DNAAF5: variants seen among roughly 807,000 people sequenced by gnomAD.
DNAAF5 encodes the protein HEAT repeat containing 2.
Under a neutral mutation model 75.8 loss-of-function variants are expected in DNAAF5, and 64 were observed. The observed-to-expected ratio is 0.84, with a 90% confidence interval of 0.69 to 1.04. DNAAF5 has a LOEUF of 1.04. Among genes scored for constraint, DNAAF5 ranks in the 50% least tolerant of loss-of-function variants. The probability of loss-of-function intolerance (pLI) is 0.00; values close to 1 mark genes in which losing one functional copy is unlikely to be tolerated. For missense variants in DNAAF5, 1,269 were observed against 1,178.5 expected (o/e 1.08, Z -1.12); for synonymous variants, 657 against 557.2 (o/e 1.18, Z -2.52).
At chr7:745,733 CACAT>C (rs1269099708) in intron 4 of DNAAF5, among the ~76,000 whole-genome samples, 2 of 152,236 alleles carry the variant, frequency 1.3e-5, no homozygotes, top group Non-Finnish European at 2.9e-5. Context: ...CGTGTGTGTG[CACAT>C]ACATGTACAC....
chr7:781,381 T>G (rs1778934350), intron 12 of DNAAF5, among the ~76,000 whole-genome samples: 1 of 152,248 alleles, frequency 6.6e-6, no homozygotes, highest in Non-Finnish European at 1.5e-5. Flanking sequence ...CGGATAATAT[T>G]CCACTGCGTG....
At chr7:773,663 G>A (rs879554264) in intron 9 of DNAAF5, among the ~76,000 whole-genome samples, 19 of 152,202 alleles carry the variant, frequency 1.2e-4, no homozygotes, top group Admixed American at 1.2e-3. Context: ...GATGGGAAAG[G>A]GGCTCACTGG....
intron 4 of DNAAF5, among the ~76,000 whole-genome samples, chr7:749,951 G>A (rs1782238180): frequency 6.6e-6 from 1 of 152,118 alleles, no homozygotes; most frequent in Admixed American, 6.5e-5. Flanking sequence ...CACCCGCCTT[G>A]GCCTCCCAAA....
At chr7:769,321 G>A in intron 8 of DNAAF5, 1 of 650,684 alleles carries the variant, frequency 1.5e-6, no homozygotes, top group Non-Finnish European at 2.8e-6. Flanking sequence ...CAGCTCCTGG[G>A]CCTGCAGGCT....
chr7:773,925 G>A, intron 9 of DNAAF5, 123 bp from the exon 10 acceptor site: 1 of 1,123,706 alleles, frequency 8.9e-7, no homozygotes, highest in Non-Finnish European at 1.3e-6. Flanking sequence ...GGGGCCTCGT[G>A]TTTTGGGGTC....
chr7:754,737 G>A lies in DNAAF5; in HGVS notation c.1173G>A (p.Glu391=), dbSNP rs775573639. The A allele has an allele frequency of 1.9e-6, 3 of 1,613,696 alleles. No individual in the cohort carries two copies. Among genetic ancestry groups the A allele is most frequent in the Non-Finnish European group, 2.5e-6 (3 of 1,180,012 alleles). Residue 391 remains glutamate, a synonymous_variant, in exon 5 of 13, where the codon GAG becomes GAA. Coordinates refer to ENST00000297440, the MANE Select transcript of DNAAF5 (RefSeq NM_017802.4). The surrounding 1 kb of genome is among the most constrained non-coding windows in gnomAD (Gnocchi z 4.8). ...QLLPVLLLHA[E]DHATQHLEVV... is the part of the protein sequence containing the mutation. Reference sequence around the variant, plus strand: ...TCCCAGTGCTGCTGCTGCATGCCGAGGACCACGCCACGCAGCACCTGGAGG... The same window carrying A: ...TCCCAGTGCTGCTGCTGCATGCCGAAGACCACGCCACGCAGCACCTGGAGG...
chr7:779,597 A>G (rs1459476580), intron 11 of DNAAF5, among the ~76,000 whole-genome samples: 1 of 152,034 alleles, frequency 6.6e-6, no homozygotes, highest in African/African-American at 2.4e-5. Context: ...CGGGGATCTG[A>G]GCATCTGGGA....
At chr7:744,909 A>G (rs1187677140) in intron 4 of DNAAF5, among the ~76,000 whole-genome samples, 1 of 152,108 alleles carries the variant, frequency 6.6e-6, no homozygotes, top group Non-Finnish European at 1.5e-5. Context: ...GGACCACTCA[A>G]TCTGTTTTAA....
intron 5 of DNAAF5, among the ~76,000 whole-genome samples, chr7:755,284 C>G (rs1311571403): frequency 6.6e-6 from 1 of 152,176 alleles, no homozygotes; most frequent in Non-Finnish European, 1.5e-5. Flanking sequence ...GTGCAGTCCT[C>G]TTTCTCACTC....
At chr7:732,352 G>A (rs947076476) in intron 2 of DNAAF5, among the ~76,000 whole-genome samples, 4 of 152,254 alleles carry the variant, frequency 2.6e-5, no homozygotes, top group African/African-American at 4.8e-5. Flanking sequence ...TGTGAAGCAG[G>A]CCTTGAACAA....
chr7:737,950 A>G (rs1358390538), intron 2 of DNAAF5, among the ~76,000 whole-genome samples: 3 of 152,142 alleles, frequency 2.0e-5, no homozygotes, highest in Non-Finnish European at 4.4e-5. Flanking sequence ...CAGTGCTGGT[A>G]TCTTTTTCTA....
intron 2 of DNAAF5, among the ~76,000 whole-genome samples, chr7:733,632 G>A (rs896545755): frequency 4.6e-5 from 7 of 152,070 alleles, no homozygotes; most frequent in Admixed American, 6.5e-5. Flanking sequence ...GAGTAGCTGG[G>A]ACTACAGGTG....
rs146938307 is a variant in DNAAF5, at chr7:756,849, C to T, written c.1325C>T (p.Ser442Leu). The T allele has an allele frequency of 1.3e-4, 203 of 1,613,984 alleles. 1 individual carries two copies. The East Asian group carries it at 2.0e-3, about 16-fold the overall frequency. Residue 442 changes from serine to leucine, a missense_variant, in exon 6 of 13, where the codon TCG becomes TTG. Transcript: ENST00000297440. ...GAGGTGTTTCTGAAGCTGATCTTAT[C>T]GACGCTGAAGAAGACGCCCTCTGCC... ...SPEVFLKLIL[S>L]TLKKTPSASG...
intron 2 of DNAAF5, among the ~76,000 whole-genome samples, chr7:739,765 G>T (rs1583481045): frequency 1.3e-5 from 2 of 152,252 alleles, no homozygotes; most frequent in South Asian, 4.1e-4. Context: ...CAGGGCCCGG[G>T]TCCCAGGCCG....
At chr7:783,218 C>G (rs915344474) in intron 12 of DNAAF5, among the ~76,000 whole-genome samples, 5 of 152,264 alleles carry the variant, frequency 3.3e-5, no homozygotes, top group Non-Finnish European at 7.3e-5. Context: ...GCCATTCTTC[C>G]TGGGAAAAGC....
chr7:754,906 G>A lies in DNAAF5; in HGVS notation c.1257+85G>A, dbSNP rs1225277723. On this transcript the variant is annotated intron_variant, in intron 5 of 12. Coordinates refer to ENST00000297440, the MANE Select transcript of DNAAF5 (RefSeq NM_017802.4). This position sits in a 1 kb window ranked among gnomAD's most constrained non-coding sequence, Gnocchi z 4.8. Reference sequence around the variant, plus strand: ...TCTGTGGTGTGCGGGGCCCGAGGCTGTACTGTAGCCAAGACAGCGTTCCCC... The same window carrying A: ...TCTGTGGTGTGCGGGGCCCGAGGCTATACTGTAGCCAAGACAGCGTTCCCC... 3 of 1,060,270 alleles carry A rather than the reference G, an allele frequency of 2.8e-6. No individual in the cohort carries two copies. The highest frequency in any genetic ancestry group is 1.6e-5 in the African/African-American group (1 of 63,248). The allele number at this position is 1,060,270 out of a possible 1,614,324, so 65.7% of individuals were successfully genotyped here. A position where few individuals can be genotyped will look rare whatever the true frequency, so the allele number is the denominator to read the frequency against.
intron 11 of DNAAF5, among the ~76,000 whole-genome samples, chr7:776,958 A>G (rs563686271): frequency 3.9e-5 from 6 of 152,320 alleles, no homozygotes; most frequent in Admixed American, 6.5e-5. Context: ...AGATTCTCAT[A>G]GGAGCACAAA....
intron 4 of DNAAF5, among the ~76,000 whole-genome samples, chr7:752,658 T>C (rs4311567): frequency 0.8 from 113,108 of 141,832 alleles, 44,032 homozygotes; most frequent in South Asian, 0.86. Flanking sequence ...TTCGTGACCG[T>C]GGGCCGGGCC....
At chr7:760,182 G>A (rs1256067720) in intron 6 of DNAAF5, among the ~76,000 whole-genome samples, 1 of 152,164 alleles carries the variant, frequency 6.6e-6, no homozygotes, top group Non-Finnish European at 1.5e-5. Context: ...GGGCCGGGGT[G>A]CAAGGACAGA....
Sources: allele counts gnomAD v4.1 joint callset (sites outside exome capture counted in the v4.1 genomes callset), GRCh38; gene constraint gnomAD v4.1.1; non-coding constraint Gnocchi (gnomAD v3.1); transcripts MANE v1.5; gene names NCBI Gene and HGNC (gene_info 2026-07-23, HGNC 2026-07-21).